UGT1A10: variants seen among roughly 807,000 people sequenced by gnomAD.
UGT1A10 encodes UDP-glucuronosyltransferase 1A10.
A neutral mutation model predicts 45.8 loss-of-function variants in UGT1A10; 49 were observed. The ratio of observed to expected loss-of-function variants is 1.07; its 90% CI spans 0.85 to 1.36. The LOEUF (loss-of-function observed/expected upper bound fraction) is 1.36, where lower values mean the gene tolerates loss of function less well. UGT1A10 is among the 40% of genes most tolerant of loss of function. The pLI, the probability that UGT1A10 is intolerant of heterozygous loss-of-function variation, is 0.00. For missense variants in UGT1A10, 745 were observed against 668.6 expected, an observed-to-expected ratio of 1.11 and a Z score of -1.26; for synonymous variants, 284 against 249.7, an observed-to-expected ratio of 1.14 and a Z score of -1.29.
At chr2:233,750,199 CA>C (rs1448966489) in intron 1 of UGT1A10, among the ~76,000 whole-genome samples, 1 of 151,826 alleles carries the variant, frequency 6.6e-6, no homozygotes, top group Non-Finnish European at 1.5e-5. Flanking sequence ...CAATGAAGTC[CA>C]GGCTGAGTCT....
intron 1 of UGT1A10, among the ~76,000 whole-genome samples, chr2:233,670,549 G>A (rs1407791473): frequency 6.6e-6 from 1 of 151,514 alleles, no homozygotes; most frequent in Non-Finnish European, 1.5e-5. Flanking sequence ...TTGTTTTCTG[G>A]CATGGCTTCT....
rs1156801962 is a variant in UGT1A10, at chr2:233,725,048, G to A, written c.856-41986G>A. Among the ~76,000 whole-genome samples the A allele has an allele frequency of 5.4e-5, 8 of 147,904 alleles. 1 individual carries two copies. The highest frequency in any genetic ancestry group is 1.5e-4 in the African/African-American group (6 of 39,674). Reference sequence around the variant, plus strand: ...CGGTCTCCACCAAAACCAGTCAGGCGTGGCGGCGCGCGCCTGCAATCGCAG... The same window carrying A: ...CGGTCTCCACCAAAACCAGTCAGGCATGGCGGCGCGCGCCTGCAATCGCAG... On this transcript the variant is annotated intron_variant, in intron 1 of 4. Transcript: ENST00000344644.
rs559233241 is a variant in UGT1A10 at position 233,729,998 on chromosome 2, G to A, written c.856-37036G>A. 3 of 1,613,920 alleles carry A rather than the reference G, an allele frequency of 1.9e-6. No individual in the cohort carries two copies. In the East Asian group the frequency reaches 6.7e-5, roughly 36 times the overall value. On this transcript the variant is annotated intron_variant, in intron 1 of 4. Coordinates refer to ENST00000344644, the MANE Select transcript of UGT1A10 (RefSeq NM_019075.4). Reference sequence around the variant, plus strand: ...AACAGGAAGCCACTATCTCAGGTCTGTATTGGTGCCTTCATCCAATCAATG... The same window carrying A: ...AACAGGAAGCCACTATCTCAGGTCTATATTGGTGCCTTCATCCAATCAATG...
At chr2:233,750,201 G>A (rs967986418) in intron 1 of UGT1A10, among the ~76,000 whole-genome samples, 17 of 151,984 alleles carry the variant, frequency 1.1e-4, no homozygotes, top group African/African-American at 3.6e-4. Flanking sequence ...ATGAAGTCCA[G>A]GCTGAGTCTC....
At chr2:233,736,493 CT>C (rs2078770083) in intron 1 of UGT1A10, among the ~76,000 whole-genome samples, 1 of 152,222 alleles carries the variant, frequency 6.6e-6, no homozygotes, top group African/African-American at 2.4e-5. Context: ...TACTACCAAA[CT>C]TCTGAAGCCT....
At chr2:233,685,063 CAGG>C (rs1371884049) in intron 1 of UGT1A10, among the ~76,000 whole-genome samples, 1 of 152,106 alleles carries the variant, frequency 6.6e-6, no homozygotes, top group African/African-American at 2.4e-5. Context: ...AAGCTCTGCA[CAGG>C]AGATTTTTTT....
At chr2:233,671,883 G>T in intron 1 of UGT1A10, 1 of 1,551,892 alleles carries the variant, frequency 6.4e-7, no homozygotes. Context: ...CCCACCTACT[G>T]TATCATAGGA....
At chr2:233,653,174 G>GA (rs1179870924) in intron 1 of UGT1A10, among the ~76,000 whole-genome samples, 34 of 152,146 alleles carry the variant, frequency 2.2e-4, no homozygotes. Context: ...TGTAATTCCA[G>GA]AAAAAATAAC....
intron 1 of UGT1A10, among the ~76,000 whole-genome samples, chr2:233,695,366 C>G (rs184636578): frequency 4.0e-5 from 6 of 151,744 alleles, no homozygotes; most frequent in Non-Finnish European, 2.9e-5. Flanking sequence ...CCTCGTGGTC[C>G]GCCCACCCCA....
At chr2:233,687,634 GGC>G (rs2125537846) in intron 1 of UGT1A10, among the ~76,000 whole-genome samples, 1 of 151,318 alleles carries the variant, frequency 6.6e-6, no homozygotes, top group African/African-American at 2.4e-5. Context: ...TGAGTGTGGT[GGC>G]TCACACATGT....
intron 1 of UGT1A10, among the ~76,000 whole-genome samples, chr2:233,764,916 G>T (rs906085592): frequency 6.6e-6 from 1 of 152,212 alleles, no homozygotes; most frequent in Non-Finnish European, 1.5e-5. Flanking sequence ...GAGGACTCAC[G>T]AGGGCCTGGG....
chr2:233,765,466 T>C (rs1160830121), intron 1 of UGT1A10, among the ~76,000 whole-genome samples: 1 of 152,142 alleles, frequency 6.6e-6, no homozygotes, highest in Non-Finnish European at 1.5e-5. Context: ...AGGACATGGA[T>C]GAAGCTGGAA....
At chr2:233,731,724 G>T (rs2078197390) in intron 1 of UGT1A10, among the ~76,000 whole-genome samples, 1 of 152,166 alleles carries the variant, frequency 6.6e-6, no homozygotes, top group Non-Finnish European at 1.5e-5. Context: ...TTGCTATTGT[G>T]AATAGTGCCA....
chr2:233,733,594 G>A (rs1409734181), intron 1 of UGT1A10, among the ~76,000 whole-genome samples: 1 of 152,164 alleles, frequency 6.6e-6, no homozygotes, highest in African/African-American at 2.4e-5. Context: ...TTCTGTTTAT[G>A]TGATGGATTA....
At position 233,636,711 on chromosome 2, in the gene UGT1A10, T is replaced by C. The variant is rs769826988; in HGVS notation, c.189T>C (p.Ser63=). 3 of 1,614,054 alleles carry C rather than the reference T, an allele frequency of 1.9e-6. No individual in the cohort carries two copies. Among genetic ancestry groups the C allele is most frequent in the Admixed American group, 1.7e-5 (1 of 60,004 alleles). Reference sequence around the variant, plus strand: ...TGGTTGTAGTCATGCCAGAGGTGAGTTGGCAACTGGAAAGATCACTGAATT... The same window carrying C: ...TGGTTGTAGTCATGCCAGAGGTGAGCTGGCAACTGGAAAGATCACTGAATT... The part of the protein sequence containing the change: ...HEVVVVMPEV[S]WQLERSLNCT... Residue 63 remains serine, a synonymous_variant, in exon 1 of 5, where the codon AGT becomes AGC. Coordinates refer to ENST00000344644, the MANE Select transcript of UGT1A10 (RefSeq NM_019075.4).
At chr2:233,687,377 T>G (rs2074836903) in intron 1 of UGT1A10, among the ~76,000 whole-genome samples, 1 of 152,052 alleles carries the variant, frequency 6.6e-6, no homozygotes, top group Non-Finnish European at 1.5e-5. Context: ...TAGGGAGAAT[T>G]TGCAAATTAA....
Position 233,698,733 on chromosome 2 carries a change from A to G in UGT1A10, c.855+61356A>G, listed in dbSNP as rs76518000. 8.6e-3 allele frequency among the ~76,000 whole-genome samples: 1,305 copies of G among 152,372 alleles called. 33 individuals carry two copies. Among genetic ancestry groups the G allele is most frequent in the East Asian group, 0.059 (306 of 5,188 alleles). On this transcript the variant is annotated intron_variant, in intron 1 of 4. Transcript: ENST00000344644. ...GCCTTTTGAAAACCATAGCTTGGTG[A>G]CCATTTTTTACATAATGCTATGATT...
At chr2:233,681,183 T>C (rs1209270478) in intron 1 of UGT1A10, among the ~76,000 whole-genome samples, 1 of 151,944 alleles carries the variant, frequency 6.6e-6, no homozygotes, top group African/African-American at 2.4e-5. Flanking sequence ...CCTTGCTCTC[T>C]TTCCGTCGAA....
intron 1 of UGT1A10, among the ~76,000 whole-genome samples, chr2:233,679,256 G>A (rs1260672026): frequency 6.6e-6 from 1 of 152,236 alleles, no homozygotes; most frequent in Admixed American, 6.5e-5. Flanking sequence ...TTAAAAGACA[G>A]TCCCTTGCTG....
Sources: allele counts gnomAD v4.1 joint callset (sites outside exome capture counted in the v4.1 genomes callset), GRCh38; gene constraint gnomAD v4.1.1; transcripts MANE v1.5; gene names NCBI Gene and HGNC (gene_info 2026-07-23, HGNC 2026-07-21).